The following FOXP2 variants were observed in gnomAD, a reference collection of about 807,000 sequenced individuals.
The protein encoded by FOXP2 is forkhead box P2.
Under a neutral mutation model 115.8 loss-of-function variants are expected in FOXP2, and 12 were observed. That is an observed-to-expected ratio of 0.10 (90% confidence interval 0.07 to 0.17). The LOEUF (loss-of-function observed/expected upper bound fraction) is 0.17, where lower values mean the gene tolerates loss of function less well. Among genes scored for constraint, FOXP2 ranks in the 10% least tolerant of loss-of-function variants. FOXP2 has a pLI of 1.00. For synonymous variants in FOXP2, 328 were observed against 297.7 expected, an observed-to-expected ratio of 1.10 and a Z score of -1.05; for missense variants, 629 against 843.5, an observed-to-expected ratio of 0.75 and a Z score of 3.15.
At chr7:114,631,496 G>C in intron 5 of FOXP2, 32 bp from the exon 6 acceptor site, 1 of 1,552,486 alleles carries the variant, frequency 6.4e-7, no homozygotes, top group African/African-American at 1.4e-5. Context: ...CATGTTCTCT[G>C]CTGTTTACTG....
At chr7:114,439,019 T>C (rs117493957) in intron 2 of FOXP2, among the ~76,000 whole-genome samples, 2,932 of 152,288 alleles carry the variant, frequency 0.019, 44 homozygotes, top group South Asian at 0.052. Context: ...GAATGTGTAA[T>C]GATTTCAGTA....
rs1488932604 is a variant in FOXP2 at position 114,415,065 on chromosome 7, G to C, written c.-306G>C. ...CCTAGTGATTAAATGCTGATTTTGT[G>C]TACGATTGTCCACGGACGCCAAAAC... is the stretch of plus-strand genomic sequence containing the variant. On this transcript the variant is annotated 5_prime_UTR_variant, in exon 1 of 17. Coordinates refer to ENST00000350908, the MANE Select transcript of FOXP2 (RefSeq NM_014491.4). 2.2e-6 allele frequency: 1 copy of C among 454,160 alleles called. No individual in the cohort carries two copies. Among genetic ancestry groups the C allele is most frequent in the Admixed American group, 2.4e-5 (1 of 42,516 alleles). 28.1% of individuals were successfully genotyped at this position (454,160 alleles called of 1,614,324 possible).
At chr7:114,628,446 GA>G in intron 3 of FOXP2, 93 bp from the exon 4 acceptor site, 1 of 1,526,676 alleles carries the variant, frequency 6.6e-7, no homozygotes, top group Non-Finnish European at 9.0e-7. Flanking sequence ...CAATGCTAAA[GA>G]ATTTATAAAA....
At chr7:114,567,753 A>G (rs918237706) in intron 3 of FOXP2, among the ~76,000 whole-genome samples, 2 of 152,040 alleles carry the variant, frequency 1.3e-5, no homozygotes, top group African/African-American at 4.8e-5. Flanking sequence ...CTGCGGCTTC[A>G]TGGTTCTGTT....
intron 2 of FOXP2, among the ~76,000 whole-genome samples, chr7:114,444,672 A>C (rs929464748): frequency 2.0e-5 from 3 of 152,196 alleles, no homozygotes; most frequent in Non-Finnish European, 4.4e-5. Context: ...GACTGAGAAC[A>C]AGGACTCAAA....
At chr7:114,418,862 A>C (rs1353376752) in intron 1 of FOXP2, among the ~76,000 whole-genome samples, 4 of 151,928 alleles carry the variant, frequency 2.6e-5, no homozygotes, top group Non-Finnish European at 5.9e-5. Context: ...ATTCTTCTGT[A>C]AGAACTCATA....
intron 3 of FOXP2, among the ~76,000 whole-genome samples, chr7:114,567,094 T>A (rs1045110024): frequency 1.2e-4 from 18 of 152,248 alleles, no homozygotes; most frequent in South Asian, 6.2e-4. Flanking sequence ...TACTGATAAG[T>A]TGAAGACAGA....
chr7:114,589,744 G>T (rs1460359692), intron 3 of FOXP2, among the ~76,000 whole-genome samples: 1 of 152,120 alleles, frequency 6.6e-6, no homozygotes, highest in Non-Finnish European at 1.5e-5. Context: ...TTCCCCTGAT[G>T]ATTGTACCAT....
intron 2 of FOXP2, among the ~76,000 whole-genome samples, chr7:114,295,227 A>G (rs921312354): frequency 2.0e-5 from 3 of 152,200 alleles, no homozygotes; most frequent in South Asian, 2.1e-4. Context: ...GCACCATTAC[A>G]ATAATCTGCT....
At chr7:114,489,708 A>C (rs532564231) in intron 2 of FOXP2, among the ~76,000 whole-genome samples, 1 of 152,232 alleles carries the variant, frequency 6.6e-6, no homozygotes, top group African/African-American at 2.4e-5. Context: ...TGTGAAGTTC[A>C]CCAGGTGGAG....
chr7:114,491,046 G>A (rs976288974), intron 2 of FOXP2, among the ~76,000 whole-genome samples: 3 of 152,140 alleles, frequency 2.0e-5, no homozygotes, highest in African/African-American at 7.2e-5. Context: ...GGGCCAAATG[G>A]TATTTCTAGT....
In FOXP2 at chr7:114,631,443, A is replaced by G. The variant is rs944836359; in HGVS notation, c.598-85A>G. The G allele has an allele frequency of 3.2e-6, 5 of 1,544,016 alleles. No homozygotes were observed. The African/African-American group carries it at 6.9e-5, about 21-fold the overall frequency. On this transcript the variant is annotated intron_variant, in intron 5 of 16. Coordinates refer to ENST00000350908, the MANE Select transcript of FOXP2 (RefSeq NM_014491.4). ...GACCAAAAAACCCACTCAGGCAATG[A>G]AAGGAGTGTGCATTTCCCTGTAAGA...
At chr7:114,137,875 A>G (rs544573834) in intron 1 of FOXP2, among the ~76,000 whole-genome samples, 2 of 152,230 alleles carry the variant, frequency 1.3e-5, no homozygotes, top group South Asian at 2.1e-4. Context: ...TGTCCTGCCA[A>G]CTGAGAGGGC....
chr7:114,270,546 G>A (rs1313513265), intron 1 of FOXP2, among the ~76,000 whole-genome samples: 4 of 152,076 alleles, frequency 2.6e-5, no homozygotes, highest in African/African-American at 7.2e-5. Flanking sequence ...TGATTATTTG[G>A]CATTTCCCTG....
chr7:114,584,163 T>G (rs1044831515), intron 3 of FOXP2, among the ~76,000 whole-genome samples: 1 of 152,228 alleles, frequency 6.6e-6, no homozygotes, highest in East Asian at 1.9e-4. Flanking sequence ...CAGGGCTCTC[T>G]GACTCTAAGA....
chr7:114,287,472 A>G (rs1041627924), intron 1 of FOXP2, among the ~76,000 whole-genome samples: 2 of 151,954 alleles, frequency 1.3e-5, no homozygotes, highest in African/African-American at 4.8e-5. Flanking sequence ...GAAACTAGAA[A>G]ACGAGAGTAG....
chr7:114,591,361 T>C (rs917863690), intron 3 of FOXP2, among the ~76,000 whole-genome samples: 14 of 152,154 alleles, frequency 9.2e-5, no homozygotes, highest in African/African-American at 3.4e-4. Flanking sequence ...CAAAATATTT[T>C]TGGAGATTGT....
At chr7:114,342,563 C>A (rs2129184507) in intron 2 of FOXP2, among the ~76,000 whole-genome samples, 1 of 151,360 alleles carries the variant, frequency 6.6e-6, no homozygotes, top group South Asian at 2.1e-4. Context: ...AAATGACACC[C>A]ATTTTGAAGG....
chr7:114,162,402 A>G (rs1198512112), upstream of FOXP2, among the ~76,000 whole-genome samples: 2 of 152,124 alleles, frequency 1.3e-5, no homozygotes, highest in African/African-American at 2.4e-5. Context: ...ATTAAAAAAA[A>G]TCTCATTCCA....
Sources: allele counts gnomAD v4.1 joint callset (sites outside exome capture counted in the v4.1 genomes callset), GRCh38; gene constraint gnomAD v4.1.1; transcripts MANE v1.5; gene names NCBI Gene and HGNC (gene_info 2026-07-23, HGNC 2026-07-21).